Variants in UBE3D observed in about 807,000 individuals in gnomAD.
UBE3D encodes the protein ubiquitin protein ligase E3D.
A neutral mutation model predicts 49.6 loss-of-function variants in UBE3D; 48 were observed. That is an observed-to-expected ratio of 0.97 (90% CI 0.77 to 1.23). The LOEUF (loss-of-function observed/expected upper bound fraction) is 1.23. Among genes scored for constraint, UBE3D ranks in the 50% most tolerant of loss-of-function variants. The pLI, the probability that UBE3D is intolerant of heterozygous loss-of-function variation, is 0.00. For synonymous variants in UBE3D, 189 were observed against 174.2 expected (o/e 1.08, Z -0.67); for missense variants, 452 against 468.4 (o/e 0.96, Z 0.32).
intron 8 of UBE3D, among the ~76,000 whole-genome samples, chr6:83,006,745 T>C (rs1582619133): frequency 6.6e-6 from 1 of 152,202 alleles, no homozygotes; most frequent in African/African-American, 2.4e-5. Flanking sequence ...AGAATGGTGG[T>C]TACCAGAGGC....
At chr6:82,965,524 G>C (rs1225124245) in intron 8 of UBE3D, among the ~76,000 whole-genome samples, 1 of 150,076 alleles carries the variant, frequency 6.7e-6, no homozygotes, top group Non-Finnish European at 1.5e-5. Context: ...CAGAGGTTGC[G>C]GTGAGCCGAG....
At chr6:82,957,776 T>C (rs1776268864) in intron 8 of UBE3D, among the ~76,000 whole-genome samples, 2 of 152,120 alleles carry the variant, frequency 1.3e-5, no homozygotes, top group Admixed American at 1.3e-4. Context: ...CTTCCTACAT[T>C]CTATGCCCTG....
At chr6:82,975,396 T>C (rs1777643990) in intron 8 of UBE3D, among the ~76,000 whole-genome samples, 1 of 152,190 alleles carries the variant, frequency 6.6e-6, no homozygotes, top group African/African-American at 2.4e-5. Context: ...TTTCTAGCCA[T>C]ATCCTTCTGT....
rs1323899314 is a variant in UBE3D at position 83,018,876 on chromosome 6, A to G, written c.1010+97T>C. The G allele has an allele frequency of 3.6e-6, 5 of 1,385,820 alleles. No individual in the cohort carries two copies. In the East Asian group the frequency reaches 1.2e-4, roughly 32 times the overall value. The allele number at this position is 1,385,820 out of a possible 1,614,324, so 85.8% of individuals were successfully genotyped here. The stretch of plus-strand genomic sequence containing the variant: ...GCTCCTAGAAGCTTCAAGTAGGGAA[A>G]TGGTATAGTGGCATTTAATTCATTA... On this transcript the variant is annotated intron_variant, in intron 8 of 9. Coordinates refer to ENST00000369747, the MANE Select transcript of UBE3D (RefSeq NM_198920.3).
At chr6:82,940,744 C>G (rs1582412312) in intron 9 of UBE3D, among the ~76,000 whole-genome samples, 1 of 152,106 alleles carries the variant, frequency 6.6e-6, no homozygotes, top group African/African-American at 2.4e-5. Flanking sequence ...CCCCAAGGCC[C>G]ATTGATAGTC....
intron 9 of UBE3D, among the ~76,000 whole-genome samples, chr6:82,930,020 C>T (rs1212495852): frequency 6.6e-6 from 1 of 152,136 alleles, no homozygotes; most frequent in Non-Finnish European, 1.5e-5. Context: ...CTTTAGTTCC[C>T]ATAATCCCCA....
At chr6:82,915,511 T>C (rs1772852529) in intron 9 of UBE3D, among the ~76,000 whole-genome samples, 1 of 152,180 alleles carries the variant, frequency 6.6e-6, no homozygotes, top group Non-Finnish European at 1.5e-5. Flanking sequence ...GTTTGTCTTA[T>C]TTAGCTTCAC....
At chr6:82,899,943 T>A (rs1327436740) in intron 9 of UBE3D, among the ~76,000 whole-genome samples, 1 of 152,164 alleles carries the variant, frequency 6.6e-6, no homozygotes, top group Non-Finnish European at 1.5e-5. Context: ...CACAAAACAT[T>A]TGTAAGGAAA....
intron 8 of UBE3D, among the ~76,000 whole-genome samples, chr6:82,977,659 G>A (rs1453129425): frequency 6.6e-6 from 1 of 152,160 alleles, no homozygotes; most frequent in Non-Finnish European, 1.5e-5. Flanking sequence ...CCAACATGGT[G>A]AAACCCTGTA....
At chr6:82,996,311 AAAAT>A (rs148895876) in intron 8 of UBE3D, among the ~76,000 whole-genome samples, 8,961 of 148,498 alleles carry the variant, frequency 0.06, 265 homozygotes, top group Middle Eastern at 0.098. Flanking sequence ...TTTGAGCAAC[AAAAT>A]AAATAAATAA....
At chr6:82,990,143 C>T (rs1266697774) in intron 8 of UBE3D, among the ~76,000 whole-genome samples, 1 of 152,120 alleles carries the variant, frequency 6.6e-6, no homozygotes, top group Non-Finnish European at 1.5e-5. Context: ...AACAACTTAG[C>T]TGGGTGGCTC....
chr6:82,986,929 TTCCCTTCC>T, intron 8 of UBE3D, among the ~76,000 whole-genome samples: 2 of 151,800 alleles, frequency 1.3e-5, no homozygotes, highest in South Asian at 2.1e-4. Context: ...CCGCCTTTCC[TTCCCTTCC>T]TCCCTTCCTC....
intron 8 of UBE3D, among the ~76,000 whole-genome samples, chr6:83,006,442 T>C (rs561711468): frequency 2.0e-5 from 3 of 152,128 alleles, no homozygotes; most frequent in Non-Finnish European, 4.4e-5. Context: ...CCTAATCTGA[T>C]AGGGCTGCTG....
At chr6:83,001,396 C>A (rs995706954) in intron 8 of UBE3D, among the ~76,000 whole-genome samples, 3 of 152,142 alleles carry the variant, frequency 2.0e-5, no homozygotes, top group African/African-American at 7.2e-5. Context: ...TTCTCTAATA[C>A]CTGAAGTTGA....
chr6:82,896,609 A>C (rs182129939), intron 9 of UBE3D, among the ~76,000 whole-genome samples: 89 of 152,304 alleles, frequency 5.8e-4, no homozygotes, highest in African/African-American at 1.9e-3. Context: ...TCATTGACCA[A>C]ATGTAAGTTT....
At position 83,065,683 on chromosome 6, in the gene UBE3D, C is replaced by T. The variant is rs759654188; in HGVS notation, c.36G>A (p.Leu12=). ...CGCTCTGCAGCTGTCCCCGCACCTC[C>T]AGAAACACGCGCGTCTCCGCCGCAG... ...AASAAETRVF[L]EVRGQLQSAL... The change falls in exon 1 of 10, where the codon CTG becomes CTA. Residue 12 remains leucine (L), a synonymous_variant. Coordinates refer to ENST00000369747, the MANE Select transcript of UBE3D (RefSeq NM_198920.3). 6.2e-7 allele frequency: 1 copy of T among 1,613,458 alleles called. No individual in the cohort carries two copies. Among genetic ancestry groups the T allele is most frequent in the Admixed American group, 1.7e-5 (1 of 60,010 alleles).
chr6:82,916,658 AC>A (rs1772936661), intron 9 of UBE3D, among the ~76,000 whole-genome samples: 1 of 152,242 alleles, frequency 6.6e-6, no homozygotes, highest in Non-Finnish European at 1.5e-5. Flanking sequence ...CGATATGGTT[AC>A]AAGAAAATTA....
At chr6:82,976,842 C>T (rs560802260) in intron 8 of UBE3D, among the ~76,000 whole-genome samples, 1 of 152,190 alleles carries the variant, frequency 6.6e-6, no homozygotes, top group South Asian at 2.1e-4. Flanking sequence ...AGGCCGGGCA[C>T]AGTGGCTCAC....
intron 9 of UBE3D, among the ~76,000 whole-genome samples, chr6:82,920,942 A>AT (rs377206246): frequency 0.69 from 95,002 of 136,710 alleles, 33,292 homozygotes; most frequent in East Asian, 0.77. Flanking sequence ...AAAAATGCTG[A>AT]TTTTTTTTTT....
Sources: gnomAD v4.1 joint callset for allele counts (sites outside exome capture counted in the v4.1 genomes callset) on GRCh38, gnomAD v4.1.1 for gene constraint, MANE v1.5 for transcripts, NCBI Gene and HGNC (gene_info 2026-07-23, HGNC 2026-07-21) for gene names.